Variants in ATP8A2 observed in about 807,000 individuals in gnomAD.
ATP8A2 encodes the protein phospholipid-transporting ATPase IB.
Under a neutral mutation model 165.6 loss-of-function variants are expected in ATP8A2, and 100 were observed. The ratio of observed to expected loss-of-function variants is 0.60; its 90% confidence interval spans 0.51 to 0.71. ATP8A2 has a LOEUF of 0.71. Ranked by LOEUF, ATP8A2 falls within the 30% of genes least tolerant of loss-of-function variation. The pLI, the probability that ATP8A2 is intolerant of heterozygous loss-of-function variation, is 0.00. For synonymous variants in ATP8A2, 543 were observed against 548.8 expected, an observed-to-expected ratio of 0.99 and a Z score of 0.15; for missense variants, 1,227 against 1,479.5, an observed-to-expected ratio of 0.83 and a Z score of 2.80.
At chr13:26,009,451 G>A (rs1956800551) in intron 35 of ATP8A2, among the ~76,000 whole-genome samples, 1 of 152,164 alleles carries the variant, frequency 6.6e-6, no homozygotes, top group Non-Finnish European at 1.5e-5. Context: ...GAACATCCCA[G>A]CCCACACATC....
At chr13:25,654,789 G>A (rs971273211) in intron 24 of ATP8A2, among the ~76,000 whole-genome samples, 1 of 152,152 alleles carries the variant, frequency 6.6e-6, no homozygotes, top group African/African-American at 2.4e-5. Flanking sequence ...TCCTGTGTGT[G>A]ACGCTGTGCA....
At chr13:25,540,593 A>G (rs145755363) in intron 8 of ATP8A2, among the ~76,000 whole-genome samples, 1 of 152,316 alleles carries the variant, frequency 6.6e-6, no homozygotes, top group African/African-American at 2.4e-5. Flanking sequence ...TAGGTCATGC[A>G]GGGTGCCAGG....
intron 33 of ATP8A2, among the ~76,000 whole-genome samples, chr13:25,888,124 C>A (rs1439185782): frequency 7.3e-6 from 1 of 136,800 alleles, no homozygotes; most frequent in Non-Finnish European, 1.5e-5. Flanking sequence ...GAATAAACAG[C>A]CTTCTGCTTA....
intron 35 of ATP8A2, among the ~76,000 whole-genome samples, chr13:25,994,086 T>C (rs1271852486): frequency 6.6e-6 from 1 of 152,178 alleles, no homozygotes; most frequent in Non-Finnish European, 1.5e-5. Context: ...ATTTCATATA[T>C]TTTTGAACGA....
intron 33 of ATP8A2, among the ~76,000 whole-genome samples, chr13:25,869,004 G>A (rs1376514972): frequency 2.0e-5 from 3 of 148,630 alleles, no homozygotes; most frequent in African/African-American, 7.5e-5. Flanking sequence ...AGGAGGCGGA[G>A]CTTGCAGTGA....
chr13:25,901,732 T>C (rs1170198673), intron 33 of ATP8A2, among the ~76,000 whole-genome samples: 1 of 152,242 alleles, frequency 6.6e-6, no homozygotes, highest in East Asian at 1.9e-4. Context: ...TAGAGTTCAC[T>C]CTAGATCGTA....
intron 24 of ATP8A2, among the ~76,000 whole-genome samples, chr13:25,628,846 A>G (rs574950331): frequency 1.1e-4 from 17 of 152,320 alleles, no homozygotes; most frequent in African/African-American, 4.1e-4. Context: ...GTAAGGTCAC[A>G]GGCTGAGAGT....
At chr13:25,774,594 G>C (rs1007995678) in intron 26 of ATP8A2, among the ~76,000 whole-genome samples, 11 of 152,172 alleles carry the variant, frequency 7.2e-5, no homozygotes, top group African/African-American at 2.4e-4. Context: ...TGTTTAAATA[G>C]AATTTCATAA....
At chr13:25,857,683 G>A (rs2138741829) in intron 30 of ATP8A2, among the ~76,000 whole-genome samples, 1 of 144,088 alleles carries the variant, frequency 6.9e-6, no homozygotes, top group Non-Finnish European at 1.5e-5. Context: ...TGATTCTCCT[G>A]CCTCAGCCTC....
At chr13:25,552,025 C>T (rs1013916292) in intron 11 of ATP8A2, among the ~76,000 whole-genome samples, 41 of 152,220 alleles carry the variant, frequency 2.7e-4, no homozygotes, top group African/African-American at 8.7e-4. Flanking sequence ...CTTGCTCTGT[C>T]GCCCAGGCTG....
intron 33 of ATP8A2, among the ~76,000 whole-genome samples, chr13:25,932,175 G>A (rs945941933): frequency 4.6e-5 from 7 of 152,132 alleles, no homozygotes; most frequent in Non-Finnish European, 5.9e-5. Flanking sequence ...ACGGAAGCAC[G>A]TCAGCTTAGC....
chr13:25,400,563 G>A (rs1009796448), intron 1 of ATP8A2, among the ~76,000 whole-genome samples: 4 of 152,112 alleles, frequency 2.6e-5, no homozygotes, highest in African/African-American at 9.7e-5. Context: ...CAATATTGTT[G>A]CTAACACTTC....
intron 24 of ATP8A2, among the ~76,000 whole-genome samples, chr13:25,618,799 T>C (rs1418031478): frequency 6.6e-6 from 1 of 151,562 alleles, no homozygotes; most frequent in Non-Finnish European, 1.5e-5. Context: ...CAGGGTCACA[T>C]AGAATAGCAT....
intron 20 of ATP8A2, among the ~76,000 whole-genome samples, chr13:25,578,168 A>G (rs1244790317): frequency 2.6e-5 from 4 of 152,230 alleles, no homozygotes; most frequent in Admixed American, 2.6e-4. Flanking sequence ...AAAATGTTGC[A>G]AAGGTGTGTT....
At chr13:25,446,401 C>A (rs1174424135) in intron 1 of ATP8A2, among the ~76,000 whole-genome samples, 1 of 152,156 alleles carries the variant, frequency 6.6e-6, no homozygotes, top group Non-Finnish European at 1.5e-5. Context: ...CTGCTGCCTG[C>A]CCCTCCCTCA....
At chr13:25,536,930 A>G (rs1304625457) in intron 6 of ATP8A2, among the ~76,000 whole-genome samples, 1 of 152,198 alleles carries the variant, frequency 6.6e-6, no homozygotes, top group Non-Finnish European at 1.5e-5. Context: ...TTCCTGTTTC[A>G]GACATGACAC....
chr13:25,785,012 C>T (rs927985543), intron 27 of ATP8A2, among the ~76,000 whole-genome samples: 14 of 152,004 alleles, frequency 9.2e-5, no homozygotes, highest in Non-Finnish European at 1.6e-4. Context: ...ATCTGCCTGC[C>T]TCGGCCTCCC....
Position 25,490,725 on chromosome 13 carries a change from TG to T in ATP8A2, c.221+21605del, listed in dbSNP as rs1459279632. ...TGCCGTGACTACTAATTAGTTTTTTTGTTTTTTTTTTGTTTGTTTGTTTGTT... is the reference window on the plus strand; with the variant it reads ...TGCCGTGACTACTAATTAGTTTTTTTTTTTTTTTTTGTTTGTTTGTTTGTT... On this transcript the variant is annotated intron_variant, in intron 2 of 36. Transcript: ENST00000381655. Among the ~76,000 whole-genome samples, 25 of 7,838 alleles carry T rather than the reference TG, an allele frequency of 3.2e-3. No individual in the cohort carries two copies. The East Asian group carries it at 0.075, about 24-fold the overall frequency. 5.1% of individuals were successfully genotyped at this position (7,838 alleles called of 152,430 possible).
chr13:25,582,248 A>C (rs1472986811), intron 23 of ATP8A2, among the ~76,000 whole-genome samples: 1 of 152,250 alleles, frequency 6.6e-6, no homozygotes, highest in Non-Finnish European at 1.5e-5. Flanking sequence ...ACAAAATTTT[A>C]GTCTGAGACT....
Sources: gnomAD v4.1 joint callset for allele counts (sites outside exome capture counted in the v4.1 genomes callset) on GRCh38, gnomAD v4.1.1 for gene constraint, MANE v1.5 for transcripts, NCBI Gene and HGNC (gene_info 2026-07-23, HGNC 2026-07-21) for gene names.